Variants in MTREX observed in about 807,000 individuals in gnomAD.
MTREX encodes the protein exosome RNA helicase MTR4.
In MTREX, 76 loss-of-function variants were observed where a neutral mutation model predicts 135.4. The observed-to-expected ratio is 0.56, with a 90% confidence interval of 0.47 to 0.68. The LOEUF (loss-of-function observed/expected upper bound fraction) is 0.68. Ranked by LOEUF, MTREX falls within the 30% of genes least tolerant of loss-of-function variation. The probability of loss-of-function intolerance (pLI) is 0.00; values close to 1 mark genes in which losing one functional copy is unlikely to be tolerated. For missense variants in MTREX, 920 were observed against 1,262.1 expected (o/e 0.73, Z 4.11); for synonymous variants, 404 against 401.6 (o/e 1.01, Z -0.07).
intron 11 of MTREX, 108 bp downstream of exon 11, chr5:55,347,252 T>G (rs1206858933): frequency 9.1e-6 from 10 of 1,099,886 alleles, no homozygotes; most frequent in Non-Finnish European, 1.2e-5. Flanking sequence ...GCCATTCACC[T>G]TACAGTTACA....
intron 1 of MTREX, among the ~76,000 whole-genome samples, chr5:55,309,103 A>T (rs1350427538): frequency 1.3e-5 from 2 of 152,214 alleles, no homozygotes; most frequent in Non-Finnish European, 2.9e-5. Flanking sequence ...GCTTATTTAT[A>T]TACAAGAGAA....
chr5:55,379,935 T>C (rs897773112), intron 18 of MTREX, among the ~76,000 whole-genome samples: 1 of 152,124 alleles, frequency 6.6e-6, no homozygotes, highest in South Asian at 2.1e-4. Flanking sequence ...TTTTTGTTTA[T>C]TTTTTTTCTT....
intron 19 of MTREX, among the ~76,000 whole-genome samples, chr5:55,388,446 C>A (rs1750516024): frequency 6.6e-6 from 1 of 152,090 alleles, no homozygotes; most frequent in Admixed American, 6.5e-5. Context: ...CAGTTTGAAT[C>A]CATTCATGCT....
intron 5 of MTREX, among the ~76,000 whole-genome samples, chr5:55,331,730 T>A (rs1170696705): frequency 6.6e-6 from 1 of 152,244 alleles, no homozygotes; most frequent in Non-Finnish European, 1.5e-5. Flanking sequence ...ACGATCTTGG[T>A]CTGTTCAACT....
At chr5:55,330,714 G>C (rs1259081655) in intron 5 of MTREX, among the ~76,000 whole-genome samples, 1 of 150,984 alleles carries the variant, frequency 6.6e-6, no homozygotes, top group Non-Finnish European at 1.5e-5. Flanking sequence ...TTTCTTAGAT[G>C]TGTGGATTTA....
intron 11 of MTREX, among the ~76,000 whole-genome samples, chr5:55,349,081 A>G (rs1262225820): frequency 6.6e-6 from 1 of 151,896 alleles, no homozygotes; most frequent in Non-Finnish European, 1.5e-5. Flanking sequence ...TCTACTAGAT[A>G]TGTTTTGAAA....
chr5:55,358,683 A>G lies in MTREX; in HGVS notation c.1644A>G (p.Gly548=). The G allele has an allele frequency of 1.9e-6, 3 of 1,596,276 alleles. No homozygotes were observed. The South Asian group carries it at 3.5e-5, about 18-fold the overall frequency. Residue 548 remains glycine (G), a synonymous_variant, in exon 15 of 27, where the codon GGA becomes GGG. Transcript: ENST00000230640. The part of the protein sequence containing the change: ...MVDEKMSPTI[G]KQLLKGSADP... ...ATGAAAAGATGAGCCCAACAATTGG[A>G]AAACAATTACTTAAGGTAACTACAT... is the stretch of plus-strand genomic sequence containing the variant.
At chr5:55,423,186 T>C in intron 26 of MTREX, 1 of 555,586 alleles carries the variant, frequency 1.8e-6, no homozygotes, top group East Asian at 3.0e-5. Flanking sequence ...CGTATATTAA[T>C]TGTACGCTAA....
intron 18 of MTREX, among the ~76,000 whole-genome samples, chr5:55,384,890 T>TC (rs1375568136): frequency 6.6e-6 from 1 of 152,178 alleles, no homozygotes; most frequent in Admixed American, 6.5e-5. Flanking sequence ...GCAGGAGGGC[T>TC]CCTCCCACTA....
intron 1 of MTREX, among the ~76,000 whole-genome samples, chr5:55,316,331 G>A (rs571086661): frequency 4.0e-5 from 6 of 151,882 alleles, no homozygotes; most frequent in Non-Finnish European, 8.8e-5. Flanking sequence ...GAGACACAAC[G>A]ACAAAAAACT....
intron 1 of MTREX, among the ~76,000 whole-genome samples, chr5:55,314,466 G>A (rs1032012896): frequency 6.6e-5 from 10 of 152,156 alleles, no homozygotes; most frequent in African/African-American, 2.2e-4. Flanking sequence ...GAAGCTGAAG[G>A]GAGAGAACCA....
At chr5:55,379,522 G>C (rs1750359246) in intron 18 of MTREX, among the ~76,000 whole-genome samples, 1 of 150,900 alleles carries the variant, frequency 6.6e-6, no homozygotes. Flanking sequence ...TCAACCATGA[G>C]AAAACTATTA....
intron 24 of MTREX, 68 bp downstream of exon 24, chr5:55,414,306 T>G (rs1750933204): frequency 1.6e-6 from 2 of 1,236,678 alleles, no homozygotes; most frequent in East Asian, 5.2e-5. Context: ...ATAAACATTT[T>G]TGATAATCTA....
chr5:55,418,152 T>C (rs1751000681), intron 25 of MTREX, among the ~76,000 whole-genome samples: 2 of 147,762 alleles, frequency 1.4e-5, no homozygotes, highest in East Asian at 4.0e-4. Flanking sequence ...GAGAATGGCG[T>C]GAACCTGGGA....
intron 19 of MTREX, among the ~76,000 whole-genome samples, chr5:55,395,055 G>A (rs577503389): frequency 3.3e-5 from 5 of 149,638 alleles, no homozygotes; most frequent in Non-Finnish European, 5.9e-5. Flanking sequence ...GATAGTAAAG[G>A]ATTTATAACC....
chr5:55,371,547 C>T (rs62360502), intron 16 of MTREX, among the ~76,000 whole-genome samples: 21,335 of 152,052 alleles, frequency 0.14, 1,890 homozygotes, highest in East Asian at 0.26. Flanking sequence ...ACCCATGAGG[C>T]CTTCTCATTT....
chr5:55,344,401 GT>G (rs1193084651), intron 8 of MTREX, 120 bp from the exon 9 acceptor site: 20 of 667,832 alleles, frequency 3.0e-5, no homozygotes, highest in Non-Finnish European at 2.6e-6. Context: ...TTTTTGAAGT[GT>G]TTTCTTTTTG....
At chr5:55,377,181 G>A (rs548968661) in intron 16 of MTREX, among the ~76,000 whole-genome samples, 23 of 152,202 alleles carry the variant, frequency 1.5e-4, no homozygotes, top group Admixed American at 3.3e-4. Flanking sequence ...ACAAAAATTA[G>A]CTGGGCATGG....
chr5:55,420,456 G>C (rs1561214901), intron 25 of MTREX, among the ~76,000 whole-genome samples: 1 of 152,200 alleles, frequency 6.6e-6, no homozygotes, highest in Non-Finnish European at 1.5e-5. Context: ...TATTAGGTTG[G>C]TGCCAAAGTA....
Sources: gnomAD v4.1 joint callset for allele counts (sites outside exome capture counted in the v4.1 genomes callset) on GRCh38, gnomAD v4.1.1 for gene constraint, MANE v1.5 for transcripts, NCBI Gene and HGNC (gene_info 2026-07-23, HGNC 2026-07-21) for gene names.